Variants in PCDHA4 observed in about 807,000 individuals in gnomAD.
The protein encoded by PCDHA4 is protocadherin alpha-4.
A neutral mutation model predicts 61.4 loss-of-function variants in PCDHA4; 49 were observed. That is an observed-to-expected ratio of 0.80 (90% CI 0.63 to 1.01). The LOEUF is 1.01. Among genes scored for constraint, PCDHA4 ranks in the 50% least tolerant of loss-of-function variants. The pLI is 0.00. For synonymous variants in PCDHA4, 590 were observed against 550.3 expected, an observed-to-expected ratio of 1.07 and a Z score of -1.01; for missense variants, 1,254 against 1,235.8, an observed-to-expected ratio of 1.01 and a Z score of -0.22.
intron 1 of PCDHA4, chr5:140,859,624 G>C (rs11749013): frequency 0.2 from 31,664 of 160,658 alleles, 6,158 homozygotes; most frequent in Middle Eastern, 0.25. Context: ...TTCTCTTTGA[G>C]TATGGAGATT....
Position 140,968,897 on chromosome 5 carries a change from G to A in PCDHA4, c.2386-10052G>A, listed in dbSNP as rs1554231210. On this transcript the variant is annotated intron_variant, in intron 1 of 3. Transcript: ENST00000530339. The stretch of plus-strand genomic sequence containing the variant: ...TGAAATTACCCTTTATCTAATAATA[G>A]CATTAAGCACAGTGTCTTTTATATT... The A allele has an allele frequency of 3.7e-6, 6 of 1,614,034 alleles. No homozygotes were observed. In the African/African-American group the frequency reaches 4.0e-5, roughly 11 times the overall value.
At chr5:141,004,030 C>T (rs1337271425) in intron 3 of PCDHA4, among the ~76,000 whole-genome samples, 1 of 152,204 alleles carries the variant, frequency 6.6e-6, no homozygotes, top group Non-Finnish European at 1.5e-5. Flanking sequence ...GAAACATTTC[C>T]TTGATTGATC....
intron 1 of PCDHA4, chr5:140,848,706 C>A (rs2150418265): frequency 6.3e-7 from 1 of 1,592,212 alleles, no homozygotes; most frequent in African/African-American, 1.3e-5. Context: ...TTCCAAAGGC[C>A]GCGGGGACCT....
chr5:140,923,964 C>A (rs1410428693), intron 1 of PCDHA4, among the ~76,000 whole-genome samples: 1 of 152,160 alleles, frequency 6.6e-6, no homozygotes, highest in East Asian at 1.9e-4. Context: ...CTAATCTATA[C>A]CCACACATAC....
chr5:140,877,811 G>T (rs1256619106), intron 1 of PCDHA4: 1 of 1,610,242 alleles, frequency 6.2e-7, no homozygotes, highest in Non-Finnish European at 8.5e-7. Flanking sequence ...CAGCTGTCTC[G>T]AGAAGATTGT....
chr5:140,852,779 T>C, intron 1 of PCDHA4: 1 of 979,786 alleles, frequency 1.0e-6, no homozygotes, highest in South Asian at 4.8e-5. Flanking sequence ...TTGATGTGAA[T>C]AGAGGGATGC....
At chr5:140,896,087 A>T (rs2065366348) in intron 1 of PCDHA4, among the ~76,000 whole-genome samples, 1 of 152,218 alleles carries the variant, frequency 6.6e-6, no homozygotes, top group East Asian at 1.9e-4. Flanking sequence ...CTGGGATTAC[A>T]GGCGTGAGCC....
intron 1 of PCDHA4, chr5:140,851,808 A>G (rs1231685115): frequency 1.1e-6 from 1 of 948,168 alleles, no homozygotes; most frequent in Non-Finnish European, 1.3e-6. Context: ...TCAGTAATCC[A>G]TAAGACAGAA....
chr5:140,954,505 A>G (rs1011072156), intron 1 of PCDHA4, among the ~76,000 whole-genome samples: 2 of 152,082 alleles, frequency 1.3e-5, no homozygotes, highest in Non-Finnish European at 2.9e-5. Flanking sequence ...TTTGATTTGC[A>G]TTTACCTAAT....
chr5:140,853,779 T>G lies in PCDHA4; in HGVS notation c.2385+44207T>G, dbSNP rs958716488. On this transcript the variant is annotated intron_variant, in intron 1 of 3. Coordinates refer to ENST00000530339, the MANE Select transcript of PCDHA4 (RefSeq NM_018907.4). ...ACCTCAGAAATTCTGAAATGGGTAG[T>G]AAGAGCAAATTTTCATTTTAAAGCA... 3.5e-5 allele frequency: 35 copies of G among 987,624 alleles called. No individual in the cohort carries two copies. In the African/African-American group the frequency reaches 6.2e-4, roughly 17 times the overall value. 61.2% of individuals were successfully genotyped at this position (987,624 alleles called of 1,614,324 possible).
intron 1 of PCDHA4, chr5:140,877,590 G>T: frequency 1.2e-6 from 2 of 1,613,826 alleles, no homozygotes; most frequent in Non-Finnish European, 1.7e-6. Flanking sequence ...CCATCTGTGC[G>T]GTGTCCAGCC....
At chr5:140,885,930 A>AT (rs1188534786) in intron 1 of PCDHA4, among the ~76,000 whole-genome samples, 1 of 152,104 alleles carries the variant, frequency 6.6e-6, no homozygotes, top group African/African-American at 2.4e-5. Flanking sequence ...CTGTTTATCT[A>AT]TTTTTTGACA....
chr5:140,972,080 AAG>A (rs1446545098), intron 1 of PCDHA4, among the ~76,000 whole-genome samples: 8 of 152,208 alleles, frequency 5.3e-5, no homozygotes, highest in African/African-American at 1.9e-4. Flanking sequence ...CTTTTGGAAA[AAG>A]AGTAATTTCT....
chr5:140,807,799 A>G lies in PCDHA4; in HGVS notation c.612A>G (p.Glu204=). The G allele has an allele frequency of 6.2e-7, 1 of 1,614,150 alleles. No homozygotes were observed. Among genetic ancestry groups the G allele is most frequent in the Admixed American group, 1.7e-5 (1 of 60,016 alleles). ...LILRKSLDRE[E]APEIFLVLTA... ...TACGGAAATCTTTAGACAGAGAAGAAGCTCCGGAGATTTTTTTAGTGCTCA... is the reference window on the plus strand; with the variant it reads ...TACGGAAATCTTTAGACAGAGAAGAGGCTCCGGAGATTTTTTTAGTGCTCA... Residue 204 remains glutamate, a synonymous_variant, in exon 1 of 4, where the codon GAA becomes GAG. Coordinates refer to ENST00000530339, the MANE Select transcript of PCDHA4 (RefSeq NM_018907.4).
rs1160767102 is a variant in PCDHA4, at chr5:140,964,322, A to G, written c.2386-14627A>G. On this transcript the variant is annotated intron_variant, in intron 1 of 3. Coordinates refer to ENST00000530339, the MANE Select transcript of PCDHA4 (RefSeq NM_018907.4). ...TACCTACAAGGCCTAAAACAGCATA[A>G]TGGACAACCTGGCAGGTGTCCTTGC... Among the ~76,000 whole-genome samples the G allele has an allele frequency of 2.0e-5, 3 of 152,346 alleles. No individual in the cohort carries two copies. The East Asian group carries it at 5.8e-4, about 29-fold the overall frequency.
chr5:140,823,717 G>C, intron 1 of PCDHA4: 2 of 1,613,952 alleles, frequency 1.2e-6, no homozygotes, highest in Non-Finnish European at 1.7e-6. Context: ...CCGCCTTCTG[G>C]TGCTGGTGAA....
At chr5:140,813,148 A>C (rs2126644102) in intron 1 of PCDHA4, 1 of 152,248 alleles carries the variant, frequency 6.6e-6, no homozygotes, top group African/African-American at 2.4e-5. Flanking sequence ...TATGTCTGTT[A>C]GTTCCATTTC....
In PCDHA4 at chr5:140,989,027, CATT is replaced by C. The variant is rs1413017003; in HGVS notation, c.2533+6465_2533+6467del. The C allele has an allele frequency of 1.4e-4, 22 of 152,178 alleles. 1 individual carries two copies. The highest frequency in any genetic ancestry group is 1.4e-3 in the Admixed American group (22 of 15,274). The allele number at this position is 152,178 out of a possible 1,614,324, so 9.4% of individuals were successfully genotyped here. A position where few individuals can be genotyped will look rare whatever the true frequency, so the allele number is the denominator to read the frequency against. ...GACTTATTATAGTTTCTTCAGTTAT[CATT>C]GATTCCTTTAATATGCCAGCTACAT... On this transcript the variant is annotated intron_variant, in intron 3 of 3. Transcript: ENST00000530339.
At chr5:140,877,380 C>T (rs372220347) in intron 1 of PCDHA4, 25 of 1,613,862 alleles carry the variant, frequency 1.5e-5, no homozygotes, top group Middle Eastern at 1.6e-4. Context: ...CGACACGCAT[C>T]CTGGATGAGG....
Sources: allele counts gnomAD v4.1 joint callset (sites outside exome capture counted in the v4.1 genomes callset), GRCh38; gene constraint gnomAD v4.1.1; transcripts MANE v1.5; gene names NCBI Gene and HGNC (gene_info 2026-07-23, HGNC 2026-07-21).